The following OTUD7A variants were observed in gnomAD, a reference collection of about 807,000 sequenced individuals.
The protein encoded by OTUD7A is OTU deubiquitinase 7A, also known as OTU domain-containing protein 7A.
In OTUD7A, 12 loss-of-function variants were observed where a neutral mutation model predicts 65.7. The observed-to-expected ratio is 0.18, with a 90% CI of 0.12 to 0.30. The LOEUF (loss-of-function observed/expected upper bound fraction) is 0.30. Among genes scored for constraint, OTUD7A ranks in the 10% least tolerant of loss-of-function variants. The pLI is 1.00. For missense variants in OTUD7A, 1,148 were observed against 1,304.8 expected (o/e 0.88, Z 1.85); for synonymous variants, 641 against 586.3 (o/e 1.09, Z -1.35).
At chr15:31,839,164 A>G (rs542510781) in intron 1 of OTUD7A, among the ~76,000 whole-genome samples, 1 of 152,314 alleles carries the variant, frequency 6.6e-6, no homozygotes, top group South Asian at 2.1e-4. Context: ...TCGAAACACC[A>G]TGCTGGGGAA....
At chr15:31,868,913 T>C (rs977353437) in intron 1 of OTUD7A, among the ~76,000 whole-genome samples, 2 of 152,236 alleles carry the variant, frequency 1.3e-5, no homozygotes, top group African/African-American at 4.8e-5. Context: ...TCCCAACTTT[T>C]GAGTGGCATA....
intron 1 of OTUD7A, among the ~76,000 whole-genome samples, chr15:31,670,285 T>C (rs1179756093): frequency 1.3e-5 from 2 of 152,154 alleles, no homozygotes; most frequent in Admixed American, 6.5e-5. Flanking sequence ...TGTATTCCTT[T>C]GGGTATATAT....
intron 5 of OTUD7A, among the ~76,000 whole-genome samples, chr15:31,554,296 A>G (rs1888421091): frequency 6.6e-6 from 1 of 152,074 alleles, no homozygotes; most frequent in Admixed American, 6.5e-5. Context: ...ATCTGCCTGG[A>G]GTGTGGAGGT....
chr15:31,491,957 A>G (rs1030474970), intron 10 of OTUD7A, among the ~76,000 whole-genome samples: 1 of 152,238 alleles, frequency 6.6e-6, no homozygotes, highest in Non-Finnish European at 1.5e-5. Flanking sequence ...GAGTTTTTCA[A>G]ATAAAAGTGA....
intron 1 of OTUD7A, among the ~76,000 whole-genome samples, chr15:31,674,456 G>A (rs922071634): frequency 2.6e-5 from 4 of 152,208 alleles, no homozygotes; most frequent in Admixed American, 6.5e-5. Flanking sequence ...GCAACGGGCA[G>A]GTGCTAGCCC....
chr15:31,662,959 G>C (rs1892206775), intron 1 of OTUD7A, among the ~76,000 whole-genome samples: 3 of 151,540 alleles, frequency 2.0e-5, no homozygotes, highest in Admixed American at 2.0e-4. Flanking sequence ...TTTATATCTT[G>C]CTATTTTACT....
At chr15:31,716,281 A>G (rs1392244153) in intron 1 of OTUD7A, among the ~76,000 whole-genome samples, 1 of 14,338 alleles carries the variant, frequency 7.0e-5, no homozygotes, top group African/African-American at 9.3e-5. Flanking sequence ...TATATAATAC[A>G]TACTACATAT....
chr15:31,814,360 G>A (rs942862645), intron 1 of OTUD7A, among the ~76,000 whole-genome samples: 4 of 152,176 alleles, frequency 2.6e-5, no homozygotes, highest in East Asian at 1.9e-4. Flanking sequence ...CAGCCCAGCC[G>A]AGTGCCCTGA....
Position 31,483,226 on chromosome 15 carries a change from A to G in OTUD7A, c.*68T>C, listed in dbSNP as rs1000953931. 2.9e-5 allele frequency: 30 copies of G among 1,049,496 alleles called. No individual in the cohort carries two copies. Among genetic ancestry groups the G allele is most frequent in the Non-Finnish European group, 3.3e-5 (29 of 872,626 alleles). 65.0% of individuals were successfully genotyped at this position (1,049,496 alleles called of 1,614,324 possible). A position where few individuals can be genotyped will look rare whatever the true frequency, so the allele number is the denominator to read the frequency against. On this transcript the variant is annotated 3_prime_UTR_variant, in exon 13 of 13. Coordinates refer to ENST00000307050, the MANE Select transcript of OTUD7A (RefSeq NM_001382637.1). ...TCCGGTGGACCAGGGCATGTAAAAA[A>G]GACACCGACACAATGGAAAAGAAAT... is the stretch of plus-strand genomic sequence containing the variant.
chr15:31,736,366 A>C (rs949991740), intron 1 of OTUD7A, among the ~76,000 whole-genome samples: 1 of 152,234 alleles, frequency 6.6e-6, no homozygotes, highest in African/African-American at 2.4e-5. Flanking sequence ...CATGGGACTC[A>C]GCATATTACT....
At chr15:31,554,219 T>C (rs73372552) in intron 5 of OTUD7A, among the ~76,000 whole-genome samples, 4,410 of 152,212 alleles carry the variant, frequency 0.029, 220 homozygotes, top group African/African-American at 0.1. Context: ...CCCACTTCAT[T>C]TTCATGCTCC....
intron 8 of OTUD7A, among the ~76,000 whole-genome samples, chr15:31,505,792 C>G (rs898247682): frequency 2.6e-5 from 4 of 151,098 alleles, no homozygotes; most frequent in Non-Finnish European, 5.9e-5. Flanking sequence ...CTCTGTCGCC[C>G]AGGCTGGAGT....
chr15:31,800,582 C>G (rs1595778493), intron 1 of OTUD7A, among the ~76,000 whole-genome samples: 3 of 152,214 alleles, frequency 2.0e-5, no homozygotes, highest in African/African-American at 7.2e-5. Flanking sequence ...GTGGGTGTCC[C>G]CTGGTCACTC....
intron 1 of OTUD7A, among the ~76,000 whole-genome samples, chr15:31,675,843 C>A (rs1362948421): frequency 6.6e-6 from 1 of 152,134 alleles, no homozygotes; most frequent in East Asian, 1.9e-4. Context: ...AGAAGGAAAC[C>A]TTTATTTTTT....
intron 1 of OTUD7A, among the ~76,000 whole-genome samples, chr15:31,797,000 C>T (rs1895979448): frequency 6.6e-6 from 1 of 152,246 alleles, no homozygotes; most frequent in Admixed American, 6.5e-5. Flanking sequence ...TCCCAAAGTG[C>T]TGGGATTACA....
At chr15:31,689,981 G>A (rs564078702) in intron 1 of OTUD7A, among the ~76,000 whole-genome samples, 4 of 152,258 alleles carry the variant, frequency 2.6e-5, no homozygotes, top group African/African-American at 9.6e-5. Context: ...CATCCCCTAG[G>A]TCAGCAGATG....
chr15:31,855,904 T>G (rs898928715), intron 1 of OTUD7A, among the ~76,000 whole-genome samples: 1 of 152,196 alleles, frequency 6.6e-6, no homozygotes, highest in Non-Finnish European at 1.5e-5. Flanking sequence ...CAAATCCATC[T>G]CTTGTTCCTG....
At chr15:31,724,896 T>G (rs1893841802) in intron 1 of OTUD7A, among the ~76,000 whole-genome samples, 2 of 150,000 alleles carry the variant, frequency 1.3e-5, no homozygotes, top group African/African-American at 4.9e-5. Context: ...GGGGCAGGGG[T>G]GGGGGGCACG....
At chr15:31,750,033 C>G (rs894689482) in intron 1 of OTUD7A, among the ~76,000 whole-genome samples, 1 of 152,102 alleles carries the variant, frequency 6.6e-6, no homozygotes, top group Non-Finnish European at 1.5e-5. Context: ...TAAAGCAGAA[C>G]TCAAAAACGC....
Sources: gnomAD v4.1 joint callset for allele counts (sites outside exome capture counted in the v4.1 genomes callset) on GRCh38, gnomAD v4.1.1 for gene constraint, MANE v1.5 for transcripts, NCBI Gene and HGNC (gene_info 2026-07-23, HGNC 2026-07-21) for gene names.